Variants in NTM observed in about 807,000 individuals in gnomAD.
The protein encoded by NTM is IgLON family member 2.
In NTM, 13 loss-of-function variants were observed where a neutral mutation model predicts 42.1. The observed-to-expected ratio is 0.31, with a 90% CI of 0.20 to 0.49. The LOEUF is 0.49. Ranked by LOEUF, NTM falls within the 20% of genes least tolerant of loss-of-function variation. The pLI, the probability that NTM is intolerant of heterozygous loss-of-function variation, is 0.99. For synonymous variants in NTM, 187 were observed against 179.2 expected (o/e 1.04, Z -0.35); for missense variants, 373 against 452.8 (o/e 0.82, Z 1.60).
intron 1 of NTM, among the ~76,000 whole-genome samples, chr11:131,403,525 AAAC>A (rs1330311278): frequency 1.3e-5 from 2 of 152,202 alleles, no homozygotes; most frequent in Non-Finnish European, 2.9e-5. Flanking sequence ...ACAAACAAAC[AAAC>A]AACAAGATCA....
chr11:131,958,505 G>T (rs2061793885), intron 2 of NTM, among the ~76,000 whole-genome samples: 1 of 152,170 alleles, frequency 6.6e-6, no homozygotes, highest in African/African-American at 2.4e-5. Flanking sequence ...GAAATTATTT[G>T]TATTAACAGT....
At chr11:131,503,900 G>A (rs969133386) in intron 1 of NTM, among the ~76,000 whole-genome samples, 1 of 152,158 alleles carries the variant, frequency 6.6e-6, no homozygotes, top group Non-Finnish European at 1.5e-5. Context: ...AAGTTAACTG[G>A]GGTAGGAATT....
intron 1 of NTM, among the ~76,000 whole-genome samples, chr11:131,382,119 T>C (rs1175087166): frequency 6.6e-6 from 1 of 152,206 alleles, no homozygotes; most frequent in Non-Finnish European, 1.5e-5. Context: ...GATTCTGTTA[T>C]GACATATGGT....
intron 7 of NTM, among the ~76,000 whole-genome samples, chr11:132,326,233 G>C (rs1284810494): frequency 1.3e-5 from 2 of 152,132 alleles, no homozygotes; most frequent in Non-Finnish European, 2.9e-5. Context: ...AGAGCCTAGA[G>C]CATGGACATG....
At chr11:131,864,159 G>C (rs1273499271) in intron 1 of NTM, among the ~76,000 whole-genome samples, 1 of 152,190 alleles carries the variant, frequency 6.6e-6, no homozygotes, top group Admixed American at 6.5e-5. Flanking sequence ...ATCTAATTTA[G>C]GATGTTATAT....
intron 1 of NTM, among the ~76,000 whole-genome samples, chr11:131,793,554 T>C (rs1349974136): frequency 6.6e-6 from 1 of 152,200 alleles, no homozygotes; most frequent in African/African-American, 2.4e-5. Flanking sequence ...CTCAAAGCCA[T>C]AGCACCTATG....
At chr11:132,070,946 C>T (rs1158381451) in intron 2 of NTM, among the ~76,000 whole-genome samples, 2 of 143,360 alleles carry the variant, frequency 1.4e-5, no homozygotes, top group African/African-American at 5.1e-5. Flanking sequence ...CAAGTTAACA[C>T]GTCAAACTGA....
chr11:131,450,706 C>T (rs889898345), intron 1 of NTM, among the ~76,000 whole-genome samples: 10 of 152,124 alleles, frequency 6.6e-5, no homozygotes, highest in Admixed American at 2.0e-4. Flanking sequence ...CACAGCACTT[C>T]GTATAATAGA....
intron 1 of NTM, among the ~76,000 whole-genome samples, chr11:131,477,381 T>C (rs1241015986): frequency 1.3e-5 from 2 of 151,472 alleles, no homozygotes; most frequent in African/African-American, 4.9e-5. Flanking sequence ...TCCATTCTCT[T>C]CTACCCCACT....
chr11:131,762,994 G>A (rs767727738), intron 1 of NTM, among the ~76,000 whole-genome samples: 33 of 152,216 alleles, frequency 2.2e-4, no homozygotes, highest in Non-Finnish European at 3.8e-4. Context: ...AACGGGCTCG[G>A]TTCTGCTGAC....
chr11:131,432,325 G>T (rs1948719399), intron 1 of NTM, among the ~76,000 whole-genome samples: 2 of 152,208 alleles, frequency 1.3e-5, no homozygotes, highest in Admixed American at 1.3e-4. Flanking sequence ...TGAGGGAAAA[G>T]GATATTAAGT....
intron 3 of NTM, among the ~76,000 whole-genome samples, chr11:132,171,147 T>C (rs1406742268): frequency 2.6e-5 from 4 of 152,210 alleles, no homozygotes; most frequent in African/African-American, 4.8e-5. Context: ...GTGTCTTCAC[T>C]TATCTCTTCA....
At chr11:131,485,504 G>T (rs1390863103) in intron 1 of NTM, among the ~76,000 whole-genome samples, 3 of 152,190 alleles carry the variant, frequency 2.0e-5, no homozygotes, top group Non-Finnish European at 2.9e-5. Context: ...ATACAAAAGT[G>T]CAATGTCCCA....
At position 132,179,387 on chromosome 11, in the gene NTM, A is replaced by G. The variant is rs1393844616; in HGVS notation, c.401-32635A>G. Among the ~76,000 whole-genome samples, 3 of 152,160 alleles carry G rather than the reference A, an allele frequency of 2.0e-5. No homozygotes were observed. In the South Asian group the frequency reaches 6.2e-4, roughly 32 times the overall value. On this transcript the variant is annotated intron_variant, in intron 3 of 8. Coordinates refer to ENST00000683400, the MANE Select transcript of NTM (RefSeq NM_001352005.2). The stretch of plus-strand genomic sequence containing the variant: ...TCTAGTTTACAGTGAATAATGGTTG[A>G]AAGATGGAAGTGGGTAGGCAAAGGC...
At chr11:132,142,154 C>G (rs1021171829) in intron 2 of NTM, among the ~76,000 whole-genome samples, 1 of 152,206 alleles carries the variant, frequency 6.6e-6, no homozygotes, top group Non-Finnish European at 1.5e-5. Flanking sequence ...CAGGTCTGAT[C>G]TGGGAACATC....
intron 4 of NTM, among the ~76,000 whole-genome samples, chr11:132,221,936 T>C (rs1384218294): frequency 1.3e-5 from 2 of 152,220 alleles, no homozygotes; most frequent in Non-Finnish European, 1.5e-5. Flanking sequence ...TCTAGCCCAC[T>C]GCTTCATCTT....
chr11:131,753,708 C>T (rs1206431267), intron 1 of NTM, among the ~76,000 whole-genome samples: 1 of 151,234 alleles, frequency 6.6e-6, no homozygotes, highest in African/African-American at 2.4e-5. Flanking sequence ...CACATGGACA[C>T]AGGAAGGGGA....
intron 1 of NTM, chr11:131,795,459 C>A (rs948164295): frequency 2.0e-6 from 2 of 985,248 alleles, no homozygotes; most frequent in Non-Finnish European, 2.4e-6. Context: ...TGATATGCAG[C>A]TTGTGGAAAT....
At chr11:131,819,809 A>T (rs572004573) in intron 1 of NTM, among the ~76,000 whole-genome samples, 1 of 152,022 alleles carries the variant, frequency 6.6e-6, no homozygotes, top group South Asian at 2.1e-4. Flanking sequence ...TTTAATTAGA[A>T]TTTTCCTGTG....
Sources: gnomAD v4.1 joint callset for allele counts (sites outside exome capture counted in the v4.1 genomes callset) on GRCh38, gnomAD v4.1.1 for gene constraint, MANE v1.5 for transcripts, NCBI Gene and HGNC (gene_info 2026-07-23, HGNC 2026-07-21) for gene names.